PID1: variants seen among roughly 807,000 people sequenced by gnomAD.
The protein encoded by PID1 is PTB-containing, cubilin and LRP1-interacting protein.
In PID1, 10 loss-of-function variants were observed where a neutral mutation model predicts 19.1. That is an observed-to-expected ratio of 0.52 (90% CI 0.32 to 0.89). The LOEUF is 0.89. Among genes scored for constraint, PID1 ranks in the 40% least tolerant of loss-of-function variants. PID1 has a pLI of 0.03. For synonymous variants in PID1, 130 were observed against 116.0 expected, an observed-to-expected ratio of 1.12 and a Z score of -0.78; for missense variants, 248 against 285.3, an observed-to-expected ratio of 0.87 and a Z score of 0.94.
At chr2:229,215,807 C>T (rs1691834173) in intron 1 of PID1, among the ~76,000 whole-genome samples, 1 of 152,216 alleles carries the variant, frequency 6.6e-6, no homozygotes, top group South Asian at 2.1e-4. Flanking sequence ...CCATGATCTC[C>T]AATTAATGTA....
chr2:229,027,311 T>C (rs1424412177), intron 2 of PID1, among the ~76,000 whole-genome samples: 2 of 152,228 alleles, frequency 1.3e-5, no homozygotes, highest in Non-Finnish European at 2.9e-5. Flanking sequence ...AAGTATTTAT[T>C]GGGAACCTCT....
intron 2 of PID1, among the ~76,000 whole-genome samples, chr2:229,137,322 T>G (rs1479253053): frequency 1.3e-5 from 2 of 152,252 alleles, no homozygotes; most frequent in Non-Finnish European, 2.9e-5. Context: ...TTGTGACATG[T>G]GTGTTTTAAC....
At chr2:229,054,198 T>C (rs754155155) in intron 2 of PID1, among the ~76,000 whole-genome samples, 6 of 152,196 alleles carry the variant, frequency 3.9e-5, no homozygotes, top group African/African-American at 7.2e-5. Flanking sequence ...TCAGTACAAC[T>C]GATACACCCA....
At chr2:229,126,151 G>T (rs1446805505) in intron 2 of PID1, among the ~76,000 whole-genome samples, 1 of 152,112 alleles carries the variant, frequency 6.6e-6, no homozygotes. Flanking sequence ...AACAGTAAAT[G>T]CCTCTTTAAA....
intron 2 of PID1, among the ~76,000 whole-genome samples, chr2:229,114,747 CCTT>C (rs1158108001): frequency 6.6e-6 from 1 of 152,192 alleles, no homozygotes; most frequent in African/African-American, 2.4e-5. Context: ...ATCAACACCT[CCTT>C]GTTTTATAAT....
chr2:229,194,367 G>A (rs7583122), intron 1 of PID1, among the ~76,000 whole-genome samples: 1,961 of 151,854 alleles, frequency 0.013, 46 homozygotes, highest in African/African-American at 0.045. Context: ...TAGAATAAGA[G>A]AAAGACAATG....
At chr2:229,159,503 C>T (rs2106199114) in intron 1 of PID1, among the ~76,000 whole-genome samples, 2 of 152,324 alleles carry the variant, frequency 1.3e-5, no homozygotes, top group Middle Eastern at 3.4e-3. Flanking sequence ...AAATATTCCT[C>T]CTATGGATGC....
intron 2 of PID1, among the ~76,000 whole-genome samples, chr2:229,081,341 T>C (rs535773511): frequency 1.3e-5 from 2 of 152,360 alleles, no homozygotes; most frequent in East Asian, 3.9e-4. Context: ...AGACCAAATA[T>C]CTAAAGACAT....
In PID1 at chr2:229,024,999, G is replaced by A. The variant is rs1693379686; in HGVS notation, c.*633C>T. On this transcript the variant is annotated 3_prime_UTR_variant, in exon 3 of 3. Transcript: ENST00000392055. ...AGTATTCTAAGAAAATAGATGAAGT[G>A]AATACAATAAGAGGGTACTACTTGG... 2 of 152,850 alleles carry A rather than the reference G, an allele frequency of 1.3e-5. No homozygotes were observed. The highest frequency in any genetic ancestry group is 4.1e-4 in the South Asian group (2 of 4,824). The allele number at this position is 152,850 out of a possible 1,614,324, so 9.5% of individuals were successfully genotyped here. A position where few individuals can be genotyped will look rare whatever the true frequency, so the allele number is the denominator to read the frequency against.
At chr2:229,156,566 T>A (rs548880853) in intron 1 of PID1, among the ~76,000 whole-genome samples, 59 of 152,250 alleles carry the variant, frequency 3.9e-4, no homozygotes, top group African/African-American at 1.3e-3. Context: ...TCCAACCACA[T>A]TCAATTACTG....
chr2:229,080,062 C>A (rs977588528), intron 2 of PID1, among the ~76,000 whole-genome samples: 1 of 152,124 alleles, frequency 6.6e-6, no homozygotes, highest in Non-Finnish European at 1.5e-5. Context: ...CTCCTGCCTC[C>A]CTGTTCTCCA....
chr2:229,083,450 G>T (rs1574614871), intron 2 of PID1, among the ~76,000 whole-genome samples: 1 of 152,134 alleles, frequency 6.6e-6, no homozygotes, highest in East Asian at 1.9e-4. Flanking sequence ...ACAGGGAAAA[G>T]GAGCCTCTGC....
At chr2:229,234,660 T>C (rs1037810528) in intron 1 of PID1, among the ~76,000 whole-genome samples, 13 of 152,292 alleles carry the variant, frequency 8.5e-5, no homozygotes, top group Admixed American at 2.0e-4. Context: ...AACTAATGTA[T>C]GGAATGTTCT....
chr2:229,188,459 C>T (rs918163781), intron 1 of PID1, among the ~76,000 whole-genome samples: 4 of 152,068 alleles, frequency 2.6e-5, no homozygotes, highest in Non-Finnish European at 5.9e-5. Context: ...TCTGTTAGGC[C>T]AGGAGTGGTA....
intron 2 of PID1, among the ~76,000 whole-genome samples, chr2:229,152,614 C>T (rs897838677): frequency 1.3e-5 from 2 of 151,162 alleles, no homozygotes; most frequent in African/African-American, 2.4e-5. Flanking sequence ...AACAAGAGTC[C>T]TAATGCACTG....
intron 2 of PID1, among the ~76,000 whole-genome samples, chr2:229,053,697 A>T (rs1270853809): frequency 6.6e-6 from 1 of 152,194 alleles, no homozygotes; most frequent in Non-Finnish European, 1.5e-5. Context: ...TCGTTTTTGG[A>T]CACAATATAA....
chr2:229,194,651 C>T (rs1691332428), intron 1 of PID1, among the ~76,000 whole-genome samples: 1 of 151,856 alleles, frequency 6.6e-6, no homozygotes, highest in East Asian at 1.9e-4. Context: ...GAACATAATC[C>T]CTATTTTTAA....
At chr2:229,075,613 G>A (rs1265839240) in intron 2 of PID1, among the ~76,000 whole-genome samples, 2 of 152,196 alleles carry the variant, frequency 1.3e-5, no homozygotes, top group Non-Finnish European at 2.9e-5. Context: ...ATGTACAAAT[G>A]AGGGGGACTA....
intron 2 of PID1, among the ~76,000 whole-genome samples, chr2:229,051,047 G>A (rs770925648): frequency 3.3e-5 from 5 of 152,112 alleles, no homozygotes; most frequent in Non-Finnish European, 7.4e-5. Flanking sequence ...TCTGAATTCC[G>A]AATTTCTTTT....
Sources: allele counts gnomAD v4.1 joint callset (sites outside exome capture counted in the v4.1 genomes callset), GRCh38; gene constraint gnomAD v4.1.1; transcripts MANE v1.5; gene names NCBI Gene and HGNC (gene_info 2026-07-23, HGNC 2026-07-21).